The following USP7 variants were observed in gnomAD, a reference collection of about 807,000 sequenced individuals.
The protein encoded by USP7 is ubiquitin C-terminal hydrolase 7.
USP7 carries 9 observed loss-of-function variants against 162.9 expected under a neutral mutation model. The ratio of observed to expected loss-of-function variants is 0.06; its 90% CI spans 0.03 to 0.10. USP7 has a LOEUF of 0.10. Among genes scored for constraint, USP7 ranks in the 10% least tolerant of loss-of-function variants. The pLI is 1.00. For synonymous variants in USP7, 562 were observed against 475.9 expected (o/e 1.18, Z -2.35); for missense variants, 715 against 1,373.7 (o/e 0.52, Z 7.58).
chr16:8,955,529 G>A (rs947939092), intron 1 of USP7, among the ~76,000 whole-genome samples: 2 of 152,010 alleles, frequency 1.3e-5, no homozygotes, highest in African/African-American at 4.8e-5. Context: ...CCAACATGGG[G>A]AAACCGTCTC....
intron 1 of USP7, among the ~76,000 whole-genome samples, chr16:8,937,687 A>C (rs1898828175): frequency 6.6e-6 from 1 of 152,180 alleles, no homozygotes; most frequent in African/African-American, 2.4e-5. Context: ...GTCTCTAAAT[A>C]GGCTACAAAA....
At chr16:8,916,401 G>A (rs2141202696) in intron 8 of USP7, 101 bp downstream of exon 8, 5 of 1,213,654 alleles carry the variant, frequency 4.1e-6, no homozygotes, top group South Asian at 1.6e-5. Context: ...ACAAAGATGG[G>A]CATTTTCTGA....
chr16:8,909,029 G>T (rs1019234924), intron 11 of USP7, among the ~76,000 whole-genome samples: 8 of 152,220 alleles, frequency 5.3e-5, no homozygotes, highest in African/African-American at 1.4e-4. Context: ...CTAAGAAAAT[G>T]TTCTGATTCA....
In USP7 at chr16:8,929,199, T is replaced by C. The variant is rs77657542; in HGVS notation, c.184+1094A>G. Among the ~76,000 whole-genome samples, 489 of 152,304 alleles carry C rather than the reference T, an allele frequency of 3.2e-3. 3 individuals are homozygous for C. The highest frequency in any genetic ancestry group is 0.01 in the African/African-American group (423 of 41,574). ...ACACCTAGCGCCTCAGAGCTGGCCA[T>C]GCCTTCCCAAATGCACTCACTCAAC... On this transcript the variant is annotated intron_variant, in intron 2 of 30. Coordinates refer to ENST00000344836, the MANE Select transcript of USP7 (RefSeq NM_003470.3).
intron 1 of USP7, among the ~76,000 whole-genome samples, chr16:8,958,543 G>C (rs371665391): frequency 7.2e-5 from 11 of 152,254 alleles, no homozygotes; most frequent in African/African-American, 2.7e-4. Context: ...TCCAGCATGA[G>C]GCAGCAAGGG....
chr16:8,913,653 T>C (rs75219349), intron 10 of USP7, among the ~76,000 whole-genome samples: 8,738 of 152,166 alleles, frequency 0.057, 325 homozygotes, highest in Middle Eastern at 0.16. Flanking sequence ...CACTAAATGA[T>C]TCCTAACGAG....
chr16:8,898,287 A>G (rs2061720545), intron 25 of USP7, 73 bp downstream of exon 25: 3 of 1,254,868 alleles, frequency 2.4e-6, no homozygotes, highest in East Asian at 4.6e-5. Context: ...TTAGTTTTCA[A>G]TGTCTGGGGA....
At chr16:8,943,857 C>T (rs528851854) in intron 1 of USP7, among the ~76,000 whole-genome samples, 2 of 152,300 alleles carry the variant, frequency 1.3e-5, no homozygotes, top group South Asian at 4.1e-4. Context: ...CACTGATGCA[C>T]AACTTTAAAC....
intron 1 of USP7, among the ~76,000 whole-genome samples, chr16:8,958,423 TC>T (rs1404941688): frequency 6.6e-6 from 1 of 152,186 alleles, no homozygotes; most frequent in African/African-American, 2.4e-5. Context: ...GGACACCAAG[TC>T]CTTTTCAGCA....
intron 10 of USP7, among the ~76,000 whole-genome samples, chr16:8,913,559 C>T (rs906476303): frequency 1.3e-5 from 2 of 151,924 alleles, no homozygotes; most frequent in African/African-American, 2.4e-5. Context: ...AAGTCTACAC[C>T]GAGTTAAAAT....
intron 1 of USP7, 49 bp downstream of exon 1, chr16:8,963,158 C>T: frequency 1.5e-6 from 2 of 1,371,376 alleles, no homozygotes; most frequent in East Asian, 3.7e-5. Context: ...CCCCCGGCCA[C>T]AATGAAAGGC....
chr16:8,923,560 A>T (rs1368075934), intron 2 of USP7, 147 bp from the exon 3 acceptor site: 2 of 809,164 alleles, frequency 2.5e-6, no homozygotes, highest in East Asian at 2.7e-5. Flanking sequence ...ATTTATTAAA[A>T]CCCGAAGACT....
intron 18 of USP7, chr16:8,901,816 C>G: frequency 4.3e-6 from 2 of 460,264 alleles, no homozygotes; most frequent in Non-Finnish European, 7.7e-6. Context: ...TAGGATCTGA[C>G]CAACGTGATT....
At position 8,899,098 on chromosome 16, in the gene USP7, A is replaced by T. The variant is rs1303271239; in HGVS notation, c.2531+23T>A. 1.9e-6 allele frequency: 3 copies of T among 1,613,140 alleles called. No homozygotes were observed. The Admixed American group carries it at 5.0e-5, about 27-fold the overall frequency. ...GGAAAGCATGCAGTCAAGACCAAGC[A>T]AGTGTCCACACATGTGACCTACCCT... On this transcript the variant is annotated intron_variant, in intron 23 of 30. Coordinates refer to ENST00000344836, the MANE Select transcript of USP7 (RefSeq NM_003470.3).
At chr16:8,919,985 C>T (rs1378296821) in intron 5 of USP7, among the ~76,000 whole-genome samples, 1 of 152,198 alleles carries the variant, frequency 6.6e-6, no homozygotes, top group African/African-American at 2.4e-5. Flanking sequence ...CCCCCAGTCC[C>T]CCCTTCCTCA....
Position 8,892,432 on chromosome 16 carries a change from C to G in USP7, c.*1566G>C, listed in dbSNP as rs1448197800. On this transcript the variant is annotated 3_prime_UTR_variant, in exon 31 of 31. Coordinates refer to ENST00000344836, the MANE Select transcript of USP7 (RefSeq NM_003470.3). ...GCCCAAAGACCAGGAAACCGTGCCA[C>G]GGAGCTGGAAGGCAAGGCCGATGGG... The G allele has an allele frequency of 6.6e-6, 1 of 152,234 alleles. No homozygotes were observed. Among genetic ancestry groups the G allele is most frequent in the Admixed American group, 6.5e-5 (1 of 15,282 alleles). The allele number at this position is 152,234 out of a possible 1,614,324, so 9.4% of individuals were successfully genotyped here.
Position 8,905,369 on chromosome 16 carries a change from A to G in USP7, c.1429-38T>C, listed in dbSNP as rs371661228. 6.6e-5 allele frequency: 106 copies of G among 1,607,310 alleles called. No homozygotes were observed. The African/African-American group carries it at 1.3e-3, about 19-fold the overall frequency. ...CAACACACACCAGCAGCGATCAAGC[A>G]CTGTGACAAGTACCCAACACTAGAA... On this transcript the variant is annotated intron_variant, in intron 13 of 30. Coordinates refer to ENST00000344836, the MANE Select transcript of USP7 (RefSeq NM_003470.3).
At position 8,894,728 on chromosome 16, in the gene USP7, T is replaced by TAGGCA. The variant is rs1245130191; in HGVS notation, c.3111+51_3111+55dup. The stretch of plus-strand genomic sequence containing the variant: ...GGCAAAAAAGCCTAGGCCGCTACGC[T>TAGGCA]AGGCAAGGCTTGAGCCTATGGCCCG... On this transcript the variant is annotated intron_variant, in intron 29 of 30. Coordinates refer to ENST00000344836, the MANE Select transcript of USP7 (RefSeq NM_003470.3). 7 of 1,613,050 alleles carry TAGGCA rather than the reference T, an allele frequency of 4.3e-6. No individual in the cohort carries two copies. In the African/African-American group the frequency reaches 6.7e-5, roughly 15 times the overall value.
intron 10 of USP7, among the ~76,000 whole-genome samples, chr16:8,913,525 G>A (rs547412693): frequency 3.9e-5 from 6 of 152,044 alleles, no homozygotes; most frequent in East Asian, 1.9e-4. Flanking sequence ...CTAACAGACC[G>A]AAGGAAGGAA....
Sources: allele counts gnomAD v4.1 joint callset (sites outside exome capture counted in the v4.1 genomes callset), GRCh38; gene constraint gnomAD v4.1.1; transcripts MANE v1.5; gene names NCBI Gene and HGNC (gene_info 2026-07-23, HGNC 2026-07-21).